Variants in SBNO1 observed in about 807,000 individuals in gnomAD.
SBNO1 encodes protein strawberry notch homolog 1.
Under a neutral mutation model 173.6 loss-of-function variants are expected in SBNO1, and 23 were observed. The ratio of observed to expected loss-of-function variants is 0.13; its 90% confidence interval spans 0.10 to 0.19. SBNO1 has a LOEUF of 0.19. Among genes scored for constraint, SBNO1 ranks in the 10% least tolerant of loss-of-function variants. The pLI is 1.00. For missense variants in SBNO1, 1,238 were observed against 1,671.2 expected (o/e 0.74, Z 4.52); for synonymous variants, 632 against 571.5 (o/e 1.11, Z -1.51).
intron 14 of SBNO1, 36 bp from the exon 15 acceptor site, chr12:123,325,635 TA>T (rs1870525921): frequency 7.6e-7 from 1 of 1,322,858 alleles, no homozygotes; most frequent in South Asian, 1.2e-5. Flanking sequence ...TTATGAATAA[TA>T]ATGTTTGTGG....
intron 16 of SBNO1, among the ~76,000 whole-genome samples, chr12:123,322,571 A>T (rs891492137): frequency 1.3e-5 from 2 of 150,772 alleles, no homozygotes; most frequent in Non-Finnish European, 3.0e-5. Context: ...AGCTGGGATT[A>T]CAGGCGTGAG....
At chr12:123,315,518 T>C (rs1195972792) in intron 22 of SBNO1, 30 bp downstream of exon 22, 1 of 1,581,842 alleles carries the variant, frequency 6.3e-7, no homozygotes, top group Non-Finnish European at 8.7e-7. Flanking sequence ...GATCATCATT[T>C]ACACACAGCC....
In SBNO1 at chr12:123,317,451, CCTT is replaced by C. The variant is rs1349996972; in HGVS notation, c.2800-98_2800-96del. ...TCCTTCAGCAGACTGCCTATTCTCT[CCTT>C]CTTTCTCAATAATGAAGACTTCCAG... is the stretch of plus-strand genomic sequence containing the variant. On this transcript the variant is annotated intron_variant, in intron 20 of 31. Coordinates refer to ENST00000602398, the MANE Select transcript of SBNO1 (RefSeq NM_001167856.3). 1.9e-5 allele frequency: 20 copies of C among 1,060,080 alleles called. No homozygotes were observed. The Admixed American group carries it at 4.2e-4, about 22-fold the overall frequency. The allele number at this position is 1,060,080 out of a possible 1,614,324, so 65.7% of individuals were successfully genotyped here.
At position 123,311,086 on chromosome 12, in the gene SBNO1, T is replaced by C; in HGVS notation, c.3264A>G (p.Glu1088=). 1 of 1,613,742 alleles carries C rather than the reference T, an allele frequency of 6.2e-7. No homozygotes were observed. Among genetic ancestry groups the C allele is most frequent in the Non-Finnish European group, 8.5e-7 (1 of 1,179,662 alleles). Residue 1088 remains glutamate (E), a synonymous_variant, in exon 25 of 32, where the codon GAA becomes GAG. Coordinates refer to ENST00000602398, the MANE Select transcript of SBNO1 (RefSeq NM_001167856.3). ...CGAGAGTAAGAATTCCCGAGCGATC[T>C]TCTACATTTATCAGGCCAACGCCTA... The part of the protein sequence containing the change: ...GLIGVGLINV[E]DRSGILTLDK...
chr12:123,338,691 TAAAC>T (rs1872150209), intron 5 of SBNO1, among the ~76,000 whole-genome samples: 2 of 150,750 alleles, frequency 1.3e-5, no homozygotes, highest in African/African-American at 2.4e-5. Flanking sequence ...TCAAAATAAA[TAAAC>T]AAAATAAAAG....
rs1468133109 is a variant in SBNO1, at chr12:123,293,722, TTA to T, written c.*2184_*2185del. ...CATCATAGGCCATGGGGGTTGTCAC[TTA>T]GCTGCATGCTAAGAATCCTCATATG... is the stretch of plus-strand genomic sequence containing the variant. On this transcript the variant is annotated 3_prime_UTR_variant, in exon 32 of 32. Coordinates refer to ENST00000602398, the MANE Select transcript of SBNO1 (RefSeq NM_001167856.3). 6.6e-6 allele frequency: 1 copy of T among 152,220 alleles called. No individual in the cohort carries two copies. The highest frequency in any genetic ancestry group is 2.4e-5 in the African/African-American group (1 of 41,452). 9.4% of individuals were successfully genotyped at this position (152,220 alleles called of 1,614,324 possible).
chr12:123,341,077 T>C lies in SBNO1; in HGVS notation c.562A>G (p.Asn188Asp). 5.8e-6 allele frequency: 9 copies of C among 1,559,986 alleles called. No individual in the cohort carries two copies. Among genetic ancestry groups the C allele is most frequent in the Non-Finnish European group, 7.8e-6 (9 of 1,148,748 alleles). Residue 188 changes from asparagine to aspartate, a missense_variant, in exon 5 of 32, where the codon AAT (asparagine) becomes GAT (aspartate). Around this residue, in one of 14 missense-constraint regions of SBNO1, gnomAD observed 287 missense variants for 274.1 expected, o/e 1.05. Transcript: ENST00000602398. The stretch of plus-strand genomic sequence containing the variant: ...GAAGACTCTTTCTTTACTGTACCAT[T>C]GCTTACATCAGCTGAGGAGGAAAAA... ...PVATAATDVS[N>D]GTVKKESSNK...
At chr12:123,324,020 C>T (rs1246768150) in intron 15 of SBNO1, among the ~76,000 whole-genome samples, 189 bp from the exon 16 acceptor site, 1 of 152,106 alleles carries the variant, frequency 6.6e-6, no homozygotes, top group Non-Finnish European at 1.5e-5. Flanking sequence ...AAACCACATA[C>T]ACAATTATTG....
At chr12:123,319,509 G>A (rs1344210128) in intron 20 of SBNO1, among the ~76,000 whole-genome samples, 4 of 152,108 alleles carry the variant, frequency 2.6e-5, no homozygotes, top group Admixed American at 2.6e-4. Flanking sequence ...CCAGGGTTAA[G>A]CTATCCTCCC....
Position 123,298,070 on chromosome 12 carries a change from G to C in SBNO1, c.3947C>G (p.Thr1316Arg). ...VLCGSVLSVWTKVEGVLASVS... is the reference protein window; with the variant it reads ...VLCGSVLSVWRKVEGVLASVS... ...AGATGCTAGAACACCCTCAACTTTT[G>C]TCCAGACACTCAGCACTGAACCACA... is the stretch of plus-strand genomic sequence containing the variant. The change falls in exon 31 of 32, where the codon ACA (threonine) becomes AGA (arginine). Residue 1316 changes from threonine to arginine, a missense_variant. By Grantham distance (71) the Thr-to-Arg change is moderately conservative (BLOSUM62 -1). Coordinates refer to ENST00000602398, the MANE Select transcript of SBNO1 (RefSeq NM_001167856.3). The C allele has an allele frequency of 1.2e-6, 2 of 1,613,694 alleles. No individual in the cohort carries two copies. Among genetic ancestry groups the C allele is most frequent in the South Asian group, 1.1e-5 (1 of 91,012 alleles).
intron 3 of SBNO1, 112 bp from the exon 4 acceptor site, chr12:123,345,682 C>CT (rs569051179): frequency 0.015 from 10,515 of 685,808 alleles, no homozygotes; most frequent in East Asian, 0.017. Context: ...TTTATTATTG[C>CT]TTTTTTTTTT....
chr12:123,327,732 C>A lies in SBNO1; in HGVS notation c.1513G>T (p.Asp505Tyr). ...GEGTPFREFS[D>Y]FIQAVERRGV... Reference sequence around the variant, plus strand: ...CTCCGTTCTACTGCTTGAATAAAATCACTGAATTCTCTAAATGGAGTACCC... The same window carrying A: ...CTCCGTTCTACTGCTTGAATAAAATAACTGAATTCTCTAAATGGAGTACCC... The change falls in exon 12 of 32, where the codon GAT becomes TAT. Residue 505 changes from aspartate to tyrosine, a missense_variant. By Grantham distance (160) the Asp-to-Tyr change is radical. Around this residue, in one of 14 missense-constraint regions of SBNO1, gnomAD observed 182 missense variants for 339.9 expected, o/e 0.54. Coordinates refer to ENST00000602398, the MANE Select transcript of SBNO1 (RefSeq NM_001167856.3). The A allele has an allele frequency of 1.2e-6, 2 of 1,613,492 alleles. No individual in the cohort carries two copies. The highest frequency in any genetic ancestry group is 1.7e-6 in the Non-Finnish European group (2 of 1,179,638).
chr12:123,326,065 C>T, intron 14 of SBNO1, 87 bp downstream of exon 14: 1 of 929,684 alleles, frequency 1.1e-6, no homozygotes, highest in Non-Finnish European at 1.5e-6. Flanking sequence ...TTAGGAAAAC[C>T]AGATTTTACA....
At position 123,320,625 on chromosome 12, in the gene SBNO1, G is replaced by C. The variant is rs767851664; in HGVS notation, c.2492-18C>G. 1.9e-6 allele frequency: 3 copies of C among 1,602,006 alleles called. No individual in the cohort carries two copies. The highest frequency in any genetic ancestry group is 4.5e-5 in the East Asian group (2 of 44,798). ...ACTGTTAGCTAGATAAAGAACATTT[G>C]CTAAAAGTTAGTACAAAGTTTAAAT... On this transcript the variant is annotated intron_variant, in intron 18 of 31. Transcript: ENST00000602398.
intron 24 of SBNO1, 94 bp downstream of exon 24, chr12:123,313,525 AG>A: frequency 3.1e-6 from 2 of 652,618 alleles, no homozygotes; most frequent in Non-Finnish European, 5.2e-6. Context: ...TTATGTCCAA[AG>A]AAAAAAACTA....
rs1002546652 is a variant in SBNO1 at position 123,297,491 on chromosome 12, C to T, written c.4039+487G>A. ...CGTGGTAGAGGAAGGCTGCTGTAAG[C>T]GAAACCAAGATAAGCAAACAGAGTC... is the stretch of plus-strand genomic sequence containing the variant. On this transcript the variant is annotated intron_variant, in intron 31 of 31. Coordinates refer to ENST00000602398, the MANE Select transcript of SBNO1 (RefSeq NM_001167856.3). Among the ~76,000 whole-genome samples, 10 of 143,972 alleles carry T rather than the reference C, an allele frequency of 6.9e-5. No homozygotes were observed. The South Asian group carries it at 1.1e-3, about 16-fold the overall frequency. The allele number at this position is 143,972 out of a possible 152,430, so 94.5% of individuals were successfully genotyped here.
chr12:123,364,315 C>T (rs2139127938), intron 1 of SBNO1: 1 of 985,600 alleles, frequency 1.0e-6, no homozygotes, highest in South Asian at 4.7e-5. Context: ...GGTCCCGGAC[C>T]CGCAGCCCCC....
rs144879241 is a variant in SBNO1 at position 123,357,261 on chromosome 12, G to C, written c.1-6820C>G. Among the ~76,000 whole-genome samples the C allele has an allele frequency of 8.3e-3, 1,263 of 151,978 alleles. 11 individuals are homozygous for C. Among genetic ancestry groups the C allele is most frequent in the Middle Eastern group, 0.027 (8 of 294 alleles). On this transcript the variant is annotated intron_variant, in intron 1 of 31. Coordinates refer to ENST00000602398, the MANE Select transcript of SBNO1 (RefSeq NM_001167856.3). Reference sequence around the variant, plus strand: ...CAGGAGTTCGAGACCTGACCAGCCTGGTCAACATAGTGAAACACCATCTCT... The same window carrying C: ...CAGGAGTTCGAGACCTGACCAGCCTCGTCAACATAGTGAAACACCATCTCT...
chr12:123,346,615 G>C (rs1873176497), intron 3 of SBNO1, among the ~76,000 whole-genome samples: 1 of 152,118 alleles, frequency 6.6e-6, no homozygotes, highest in South Asian at 2.1e-4. Context: ...AGTGCGCCGA[G>C]ATCGCGCCAC....
Sources: gnomAD v4.1 joint callset for allele counts (sites outside exome capture counted in the v4.1 genomes callset) on GRCh38, gnomAD v4.1.1 for gene constraint, gnomAD v4.1.1 regional missense constraint, MANE v1.5 for transcripts, NCBI Gene and HGNC (gene_info 2026-07-23, HGNC 2026-07-21) for gene names.